The following GABRB3 variants were observed in gnomAD, a reference collection of about 807,000 sequenced individuals.
The protein encoded by GABRB3 is gamma-aminobutyric acid type A receptor subunit beta3, also known as gamma-aminobutyric acid receptor subunit beta-3.
Under a neutral mutation model 52.1 loss-of-function variants are expected in GABRB3, and 14 were observed. That is an observed-to-expected ratio of 0.27 (90% confidence interval 0.18 to 0.42). The LOEUF is 0.42. Ranked by LOEUF, GABRB3 falls within the 10% of genes least tolerant of loss-of-function variation. The probability of loss-of-function intolerance (pLI) is 1.00; values close to 1 mark genes in which losing one functional copy is unlikely to be tolerated. For missense variants in GABRB3, 307 were observed against 609.1 expected, an observed-to-expected ratio of 0.50 and a Z score of 5.22; for synonymous variants, 260 against 232.3, an observed-to-expected ratio of 1.12 and a Z score of -1.08.
intron 3 of GABRB3, chr15:26,629,162 G>C (rs1892832161): frequency 6.7e-7 from 1 of 1,499,664 alleles, no homozygotes; most frequent in South Asian, 1.2e-5. Flanking sequence ...CGGAGTGTGG[G>C]GAGAAGCAGC....
At position 26,668,365 on chromosome 15, in the gene GABRB3, A is replaced by C. The variant is rs149277094; in HGVS notation, c.241-46831T>G. Among the ~76,000 whole-genome samples, 1,304 of 152,360 alleles carry C rather than the reference A, an allele frequency of 8.6e-3. 11 individuals are homozygous for C. The highest frequency in any genetic ancestry group is 0.013 in the Non-Finnish European group (914 of 68,034). ...AGATTTGATACTATGATTGGCAGAAAGCAAATATTCTATGACTATCATTTG... is the reference window on the plus strand; with the variant it reads ...AGATTTGATACTATGATTGGCAGAACGCAAATATTCTATGACTATCATTTG... On this transcript the variant is annotated intron_variant, in intron 3 of 8. Coordinates refer to ENST00000311550, the MANE Select transcript of GABRB3 (RefSeq NM_000814.6).
intron 3 of GABRB3, among the ~76,000 whole-genome samples, chr15:26,732,370 A>G (rs768989024): frequency 5.8e-4 from 89 of 152,214 alleles, no homozygotes; most frequent in African/African-American, 2.0e-3. Flanking sequence ...AGATAAATAA[A>G]CAGCACATCT....
chr15:26,588,066 G>T (rs8024564), intron 4 of GABRB3, among the ~76,000 whole-genome samples: 4 of 151,796 alleles, frequency 2.6e-5, no homozygotes, highest in Admixed American at 2.0e-4. Flanking sequence ...CTGTGACTAC[G>T]AGGTATGTTT....
intron 3 of GABRB3, among the ~76,000 whole-genome samples, chr15:26,760,948 A>G (rs1345645864): frequency 6.6e-6 from 1 of 152,192 alleles, no homozygotes; most frequent in Non-Finnish European, 1.5e-5. Context: ...AGCCAAGTAC[A>G]GGCCAGGTCC....
At chr15:26,620,921 C>CA (rs1162605060) in intron 4 of GABRB3, among the ~76,000 whole-genome samples, 1 of 152,082 alleles carries the variant, frequency 6.6e-6, no homozygotes, top group East Asian at 1.9e-4. Flanking sequence ...ACAATCTGCG[C>CA]AACAGACATT....
intron 7 of GABRB3, among the ~76,000 whole-genome samples, chr15:26,561,447 C>T (rs527390335): frequency 1.4e-5 from 2 of 140,502 alleles, no homozygotes; most frequent in African/African-American, 2.6e-5. Flanking sequence ...CTACACCTTG[C>T]TATCACACAC....
intron 8 of GABRB3, among the ~76,000 whole-genome samples, chr15:26,559,415 A>G (rs775572288): frequency 3.3e-5 from 5 of 152,240 alleles, no homozygotes; most frequent in Non-Finnish European, 7.4e-5. Flanking sequence ...CTGTGAACCA[A>G]TTAAACCTCT....
intron 3 of GABRB3, among the ~76,000 whole-genome samples, chr15:26,700,700 T>C (rs1346524393): frequency 1.3e-5 from 2 of 152,314 alleles, no homozygotes; most frequent in African/African-American, 4.8e-5. Context: ...AGAAAAAAAA[T>C]TGGTTGATCC....
chr15:26,682,224 T>C (rs1051485193), intron 3 of GABRB3, among the ~76,000 whole-genome samples: 6 of 152,146 alleles, frequency 3.9e-5, no homozygotes, highest in African/African-American at 1.4e-4. Context: ...CCCCTTCACA[T>C]TCACAACGTC....
intron 3 of GABRB3, among the ~76,000 whole-genome samples, chr15:26,729,197 C>T (rs1020477983): frequency 2.6e-5 from 4 of 152,066 alleles, no homozygotes; most frequent in Non-Finnish European, 4.4e-5. Context: ...TCAGTGGTCC[C>T]GCTGCACAGT....
chr15:26,769,835 G>A (rs1219762330), intron 3 of GABRB3, among the ~76,000 whole-genome samples: 1 of 152,090 alleles, frequency 6.6e-6, no homozygotes, highest in African/African-American at 2.4e-5. Context: ...CATCCTACCT[G>A]TGAACAACCG....
intron 3 of GABRB3, among the ~76,000 whole-genome samples, chr15:26,691,635 G>T (rs1414208217): frequency 2.0e-5 from 3 of 152,174 alleles, no homozygotes; most frequent in African/African-American, 7.2e-5. Context: ...CTAATCTCAT[G>T]AAAAAGGAAT....
chr15:26,698,576 T>C (rs1888821581), intron 3 of GABRB3, among the ~76,000 whole-genome samples: 1 of 152,176 alleles, frequency 6.6e-6, no homozygotes, highest in African/African-American at 2.4e-5. Context: ...GAAAAAATTT[T>C]AATGACAAAA....
chr15:26,714,565 T>C (rs1375683680), intron 3 of GABRB3, among the ~76,000 whole-genome samples: 4 of 152,020 alleles, frequency 2.6e-5, no homozygotes, highest in Non-Finnish European at 5.9e-5. Flanking sequence ...AGGTCATAGG[T>C]AGATAAGAGA....
chr15:26,697,428 G>A (rs563100508), intron 3 of GABRB3, among the ~76,000 whole-genome samples: 4 of 152,186 alleles, frequency 2.6e-5, no homozygotes, highest in East Asian at 1.9e-4. Context: ...AATGACCAAT[G>A]AGTCAATGTC....
intron 3 of GABRB3, among the ~76,000 whole-genome samples, chr15:26,630,270 G>C (rs1892875952): frequency 6.6e-6 from 1 of 152,202 alleles, no homozygotes; most frequent in African/African-American, 2.4e-5. Flanking sequence ...AGAAGGGAAA[G>C]CTGCCAGCAC....
chr15:26,768,876 A>G (rs146471531), intron 3 of GABRB3, among the ~76,000 whole-genome samples: 2 of 152,356 alleles, frequency 1.3e-5, no homozygotes, highest in East Asian at 3.9e-4. Context: ...TAACTCCACT[A>G]TCCATGAAGC....
intron 4 of GABRB3, 120 bp from the exon 5 acceptor site, chr15:26,583,534 AC>A (rs1421124858): frequency 6.7e-6 from 5 of 744,496 alleles, no homozygotes. Flanking sequence ...GCCTGGCTAA[AC>A]ATCATTCACT....
intron 3 of GABRB3, among the ~76,000 whole-genome samples, chr15:26,684,301 C>T (rs878961): frequency 0.88 from 134,433 of 152,142 alleles, 60,013 homozygotes; most frequent in Non-Finnish European, 0.95. Context: ...TATTCCTGGA[C>T]GCAGGGTGGA....
Sources: gnomAD v4.1 joint callset for allele counts (sites outside exome capture counted in the v4.1 genomes callset) on GRCh38, gnomAD v4.1.1 for gene constraint, MANE v1.5 for transcripts, NCBI Gene and HGNC (gene_info 2026-07-23, HGNC 2026-07-21) for gene names.